Variants in SDK1 observed in about 807,000 individuals in gnomAD.
The protein encoded by SDK1 is sidekick cell adhesion molecule 1, also known as protein sidekick-1.
SDK1 carries 157 observed loss-of-function variants against 245.5 expected under a neutral mutation model. That is an observed-to-expected ratio of 0.64 (90% CI 0.56 to 0.73). SDK1 has a LOEUF of 0.73. Ranked by LOEUF, SDK1 falls within the 30% of genes least tolerant of loss-of-function variation. SDK1 has a pLI of 0.00. For missense variants in SDK1, 3,583 were observed against 3,002.3 expected (o/e 1.19, Z -4.52); for synonymous variants, 1,647 against 1,278.5 (o/e 1.29, Z -6.15).
intron 4 of SDK1, among the ~76,000 whole-genome samples, chr7:3,700,106 T>G (rs1490905697): frequency 6.6e-6 from 1 of 152,188 alleles, no homozygotes; most frequent in African/African-American, 2.4e-5. Flanking sequence ...CTGGTGAAAC[T>G]ATCCTTCAGG....
intron 1 of SDK1, among the ~76,000 whole-genome samples, chr7:3,560,718 C>T (rs1206798139): frequency 2.6e-5 from 4 of 152,140 alleles, no homozygotes; most frequent in South Asian, 2.1e-4. Context: ...TTCAGACCCA[C>T]GTCTCCACTG....
At chr7:3,605,838 C>G (rs1301322591) in intron 1 of SDK1, among the ~76,000 whole-genome samples, 1 of 151,776 alleles carries the variant, frequency 6.6e-6, no homozygotes, top group Non-Finnish European at 1.5e-5. Context: ...AACTTCTGAT[C>G]AAATTAAGTT....
chr7:3,338,227 A>G (rs1780254230), intron 1 of SDK1: 1 of 295,688 alleles, frequency 3.4e-6, no homozygotes, highest in Admixed American at 3.8e-5. Flanking sequence ...GCAAATCTAT[A>G]AGAAAGATGA....
intron 1 of SDK1, among the ~76,000 whole-genome samples, chr7:3,460,402 A>G (rs1305953571): frequency 2.6e-5 from 4 of 152,234 alleles, no homozygotes; most frequent in Non-Finnish European, 5.9e-5. Context: ...GTACGTGTTT[A>G]TGCTATTGAA....
chr7:3,426,852 C>T (rs549298193), intron 1 of SDK1, among the ~76,000 whole-genome samples: 1 of 152,338 alleles, frequency 6.6e-6, no homozygotes, highest in South Asian at 2.1e-4. Context: ...TGCCACTCTG[C>T]TTAAATCCCT....
intron 1 of SDK1, among the ~76,000 whole-genome samples, chr7:3,382,757 A>G (rs910837617): frequency 3.9e-5 from 6 of 152,218 alleles, no homozygotes; most frequent in African/African-American, 1.4e-4. Flanking sequence ...AAATCATTAC[A>G]CATCTAGTGT....
intron 4 of SDK1, among the ~76,000 whole-genome samples, chr7:3,691,849 A>C (rs895658707): frequency 6.6e-6 from 1 of 152,184 alleles, no homozygotes; most frequent in African/African-American, 2.4e-5. Flanking sequence ...AAAATGTATT[A>C]TAAGGCAGGT....
At chr7:4,007,102 G>A (rs935863510) in intron 14 of SDK1, among the ~76,000 whole-genome samples, 1 of 152,260 alleles carries the variant, frequency 6.6e-6, no homozygotes, top group Admixed American at 6.5e-5. Context: ...AGGAAGAAAG[G>A]GATGGACGAA....
At chr7:3,904,248 G>T (rs1301667722) in intron 5 of SDK1, among the ~76,000 whole-genome samples, 2 of 152,174 alleles carry the variant, frequency 1.3e-5, no homozygotes, top group Non-Finnish European at 2.9e-5. Context: ...AATCTATAGA[G>T]ACAGAAAGTA....
chr7:4,086,420 G>T (rs1345480323), intron 22 of SDK1, among the ~76,000 whole-genome samples: 2 of 152,194 alleles, frequency 1.3e-5, no homozygotes, highest in Non-Finnish European at 1.5e-5. Context: ...AAGCTCTGGG[G>T]ATGAGTCAGC....
chr7:3,516,879 A>G (rs879801196), intron 1 of SDK1, among the ~76,000 whole-genome samples: 1 of 152,154 alleles, frequency 6.6e-6, no homozygotes, highest in Admixed American at 6.5e-5. Flanking sequence ...ATTTGGGGAC[A>G]TGAAAAAGTG....
intron 17 of SDK1, among the ~76,000 whole-genome samples, chr7:4,048,728 A>C (rs1789211937): frequency 6.6e-6 from 1 of 152,198 alleles, no homozygotes; most frequent in African/African-American, 2.4e-5. Context: ...TTACACGAGC[A>C]TGTCCCCTAG....
chr7:3,992,241 G>C (rs942241603), intron 14 of SDK1, among the ~76,000 whole-genome samples: 3 of 152,240 alleles, frequency 2.0e-5, no homozygotes, highest in South Asian at 2.1e-4. Context: ...CTGTGGAGCA[G>C]AGCCTGGGGC....
At chr7:3,487,228 T>G (rs543535089) in intron 1 of SDK1, among the ~76,000 whole-genome samples, 23 of 152,334 alleles carry the variant, frequency 1.5e-4, no homozygotes, top group African/African-American at 5.3e-4. Flanking sequence ...ATATTAAGTT[T>G]ATGTAATATC....
At chr7:3,544,611 C>T (rs1234211264) in intron 1 of SDK1, among the ~76,000 whole-genome samples, 1 of 152,188 alleles carries the variant, frequency 6.6e-6, no homozygotes, top group Non-Finnish European at 1.5e-5. Flanking sequence ...TCAACATGAA[C>T]GTCGACAGCT....
At chr7:3,400,937 C>T (rs1261251174) in intron 1 of SDK1, among the ~76,000 whole-genome samples, 1 of 151,902 alleles carries the variant, frequency 6.6e-6, no homozygotes, top group African/African-American at 2.4e-5. Flanking sequence ...TCTGCCTCAG[C>T]TGGCCGAACT....
chr7:4,141,458 A>G (rs1422030368), intron 28 of SDK1, among the ~76,000 whole-genome samples: 1 of 152,256 alleles, frequency 6.6e-6, no homozygotes, highest in Non-Finnish European at 1.5e-5. Context: ...AGATTAAACA[A>G]TAATGAAAAC....
Position 4,135,405 on chromosome 7 carries a change from G to A in SDK1, c.4228+2982G>A, listed in dbSNP as rs1205898258. Among the ~76,000 whole-genome samples the A allele has an allele frequency of 2.6e-5, 4 of 152,306 alleles. No individual in the cohort carries two copies. The East Asian group carries it at 7.7e-4, about 29-fold the overall frequency. ...TCTGCACTTCCAGGCCTTCGCCCTA[G>A]AGAAATTCTTGCCTGTGTGCACAAG... On this transcript the variant is annotated intron_variant, in intron 28 of 44. Coordinates refer to ENST00000404826, the MANE Select transcript of SDK1 (RefSeq NM_152744.4).
chr7:3,863,877 A>C (rs28565971), intron 5 of SDK1, among the ~76,000 whole-genome samples: 1,813 of 152,252 alleles, frequency 0.012, 34 homozygotes, highest in African/African-American at 0.036. Context: ...GCTGTTGTGA[A>C]TCTGCTGCTA....
Sources: gnomAD v4.1 joint callset for allele counts (sites outside exome capture counted in the v4.1 genomes callset) on GRCh38, gnomAD v4.1.1 for gene constraint, MANE v1.5 for transcripts, NCBI Gene and HGNC (gene_info 2026-07-23, HGNC 2026-07-21) for gene names.